Variants in NAF1 observed in about 807,000 individuals in gnomAD.
The protein encoded by NAF1 is nuclear assembly factor 1 ribonucleoprotein.
A neutral mutation model predicts 40.6 loss-of-function variants in NAF1; 11 were observed. The ratio of observed to expected loss-of-function variants is 0.27; its 90% confidence interval spans 0.17 to 0.45. The LOEUF (loss-of-function observed/expected upper bound fraction) is 0.45, where lower values mean the gene tolerates loss of function less well. Ranked by LOEUF, NAF1 falls within the 20% of genes least tolerant of loss-of-function variation. The probability of loss-of-function intolerance (pLI) is 1.00; values close to 1 mark genes in which losing one functional copy is unlikely to be tolerated. For synonymous variants in NAF1, 260 were observed against 228.5 expected (o/e 1.14, Z -1.24); for missense variants, 607 against 611.1 (o/e 0.99, Z 0.07).
At chr4:163,138,994 T>C (rs1731157903) in intron 5 of NAF1, among the ~76,000 whole-genome samples, 1 of 152,126 alleles carries the variant, frequency 6.6e-6, no homozygotes, top group Non-Finnish European at 1.5e-5. Flanking sequence ...AAAATAACCT[T>C]ATGCAATGTG....
At chr4:163,133,542 A>C in intron 6 of NAF1, 1 of 298,994 alleles carries the variant, frequency 3.3e-6, no homozygotes, top group East Asian at 6.7e-5. Flanking sequence ...CAGATGCAAA[A>C]GGGTGCCAAA....
chr4:163,124,952 G>T (rs1268990873), downstream of NAF1, among the ~76,000 whole-genome samples: 1 of 152,122 alleles, frequency 6.6e-6, no homozygotes, highest in Non-Finnish European at 1.5e-5. Flanking sequence ...TCGCATTCTG[G>T]TAATTCTCCC....
intron 2 of NAF1, among the ~76,000 whole-genome samples, chr4:163,111,479 TG>T (rs1406354270): frequency 6.6e-6 from 1 of 152,162 alleles, no homozygotes; most frequent in African/African-American, 2.4e-5. Flanking sequence ...AGGATGGAGT[TG>T]TCATAAACTG....
chr4:163,119,178 G>A (rs752426426), intron 2 of NAF1, among the ~76,000 whole-genome samples: 34 of 152,054 alleles, frequency 2.2e-4, no homozygotes, highest in East Asian at 7.7e-4. Context: ...TTGTTGTTGC[G>A]TATGGGCATT....
chr4:163,153,359 ATT>A (rs1731817204), intron 2 of NAF1, among the ~76,000 whole-genome samples: 3 of 152,110 alleles, frequency 2.0e-5, no homozygotes, highest in Admixed American at 2.0e-4. Flanking sequence ...TAGCTCTGGG[ATT>A]GTAAACACGC....
rs770155193 is a variant in NAF1, at chr4:163,164,173, G to A, written c.540+44C>T. On this transcript the variant is annotated intron_variant, in intron 2 of 7. Coordinates refer to ENST00000274054, the MANE Select transcript of NAF1 (RefSeq NM_138386.3). ...TAGATCAATACTGGTACCAGAATACGTTTTAAAACATGCAAACTAAGCTTA... is the reference window on the plus strand; with the variant it reads ...TAGATCAATACTGGTACCAGAATACATTTTAAAACATGCAAACTAAGCTTA... 4.8e-5 allele frequency: 69 copies of A among 1,451,490 alleles called. 1 individual carries two copies. The highest frequency in any genetic ancestry group is 7.6e-5 in the South Asian group (5 of 65,642). 89.9% of individuals were successfully genotyped at this position (1,451,490 alleles called of 1,614,324 possible). A position where few individuals can be genotyped will look rare whatever the true frequency, so the allele number is the denominator to read the frequency against.
chr4:163,111,771 C>T (rs1332734846), intron 2 of NAF1, among the ~76,000 whole-genome samples: 1 of 152,112 alleles, frequency 6.6e-6, no homozygotes, highest in Non-Finnish European at 1.5e-5. Context: ...AATGGCATTT[C>T]TTCGAATTGT....
intron 2 of NAF1, among the ~76,000 whole-genome samples, chr4:163,163,844 A>T (rs568507136): frequency 5.9e-5 from 9 of 152,238 alleles, no homozygotes; most frequent in African/African-American, 1.4e-4. Context: ...GACCAAAAAA[A>T]TTGATTTCAA....
chr4:163,119,720 AG>A (rs1730460630), intron 2 of NAF1: 1 of 152,236 alleles, frequency 6.6e-6, no homozygotes, highest in Non-Finnish European at 1.5e-5. Context: ...AAATACGGAA[AG>A]TAATATACTC....
At chr4:163,158,240 G>A (rs977202295) in intron 2 of NAF1, 1 of 152,044 alleles carries the variant, frequency 6.6e-6, no homozygotes, top group Non-Finnish European at 1.5e-5. Context: ...GCTATTAGGT[G>A]AGCCTTCACT....
intron 4 of NAF1, among the ~76,000 whole-genome samples, chr4:163,143,036 C>T (rs1367983825): frequency 6.6e-6 from 1 of 152,162 alleles, no homozygotes; most frequent in African/African-American, 2.4e-5. Context: ...GGAAAAGTAG[C>T]ACCTGAGACC....
chr4:163,110,043 T>A, downstream of NAF1: 1 of 436,572 alleles, frequency 2.3e-6, no homozygotes, highest in Non-Finnish European at 4.0e-6. Context: ...CCCTATTAAG[T>A]ATGCAGATAT....
chr4:163,153,543 C>A (rs1246349830), intron 2 of NAF1, among the ~76,000 whole-genome samples: 3 of 151,990 alleles, frequency 2.0e-5, no homozygotes, highest in Non-Finnish European at 4.4e-5. Context: ...AATCAGCACC[C>A]TGTGTTTAGC....
At chr4:163,128,276 A>G (rs1035710980), downstream of NAF1, among the ~76,000 whole-genome samples, 1 of 152,168 alleles carries the variant, frequency 6.6e-6, no homozygotes, top group Non-Finnish European at 1.5e-5. Context: ...AGCCTTCTGA[A>G]CAGTGCCCAA....
chr4:163,108,510 A>G (rs1330733018), downstream of NAF1, among the ~76,000 whole-genome samples: 1 of 152,214 alleles, frequency 6.6e-6, no homozygotes, highest in Non-Finnish European at 1.5e-5. Context: ...CAATAAGAGA[A>G]AGCCAGTCAC....
chr4:163,161,830 C>T (rs867210507), intron 2 of NAF1, among the ~76,000 whole-genome samples: 14 of 152,286 alleles, frequency 9.2e-5, no homozygotes, highest in African/African-American at 3.4e-4. Flanking sequence ...ATAAACCATT[C>T]CATGTGGTTT....
chr4:163,115,398 C>T (rs1422696499), intron 2 of NAF1, among the ~76,000 whole-genome samples: 2 of 151,566 alleles, frequency 1.3e-5, no homozygotes, highest in East Asian at 1.9e-4. Flanking sequence ...TTAGTAGAGA[C>T]GGGGTTTCAC....
chr4:163,155,923 A>G (rs1731967672), intron 2 of NAF1, among the ~76,000 whole-genome samples: 1 of 147,832 alleles, frequency 6.8e-6, no homozygotes, highest in South Asian at 2.3e-4. Context: ...CTAATAAACT[A>G]AAAAAATTGA....
At chr4:163,110,991 A>T (rs934291736) in intron 2 of NAF1, among the ~76,000 whole-genome samples, 7 of 152,212 alleles carry the variant, frequency 4.6e-5, no homozygotes, top group Admixed American at 1.3e-4. Flanking sequence ...GAAACATTTT[A>T]AAAAAGGTAA....
Sources: allele counts gnomAD v4.1 joint callset (sites outside exome capture counted in the v4.1 genomes callset), GRCh38; gene constraint gnomAD v4.1.1; transcripts MANE v1.5; gene names NCBI Gene and HGNC (gene_info 2026-07-23, HGNC 2026-07-21).